Variants in SOX5 observed in about 807,000 individuals in gnomAD.
SOX5 encodes SRY-box transcription factor 5.
In SOX5, 9 loss-of-function variants were observed where a neutral mutation model predicts 92.0. The ratio of observed to expected loss-of-function variants is 0.10; its 90% CI spans 0.06 to 0.17. The LOEUF (loss-of-function observed/expected upper bound fraction) is 0.17, where lower values mean the gene tolerates loss of function less well. Ranked by LOEUF, SOX5 falls within the 10% of genes least tolerant of loss-of-function variation. The probability of loss-of-function intolerance (pLI) is 1.00; values close to 1 mark genes in which losing one functional copy is unlikely to be tolerated. For synonymous variants in SOX5, 344 were observed against 336.3 expected, an observed-to-expected ratio of 1.02 and a Z score of -0.25; for missense variants, 642 against 944.5, an observed-to-expected ratio of 0.68 and a Z score of 4.20.
At chr12:24,278,894 G>A (rs1340466596) in intron 2 of SOX5, among the ~76,000 whole-genome samples, 2 of 125,242 alleles carry the variant, frequency 1.6e-5, no homozygotes, top group African/African-American at 6.0e-5. Context: ...TTTTTTTTTA[G>A]TTAAGTGAAT....
At chr12:24,350,271 C>T (rs1953906571) in intron 2 of SOX5, among the ~76,000 whole-genome samples, 1 of 152,202 alleles carries the variant, frequency 6.6e-6, no homozygotes, top group Non-Finnish European at 1.5e-5. Context: ...TCTGCTCCCT[C>T]TTTCTTACTT....
intron 2 of SOX5, among the ~76,000 whole-genome samples, chr12:23,872,164 A>ATTTTTTTTTTTTTTTTTTTT (rs71059938): frequency 4.5e-4 from 28 of 61,648 alleles, no homozygotes; most frequent in African/African-American, 8.0e-4. Flanking sequence ...CGCCCGGCTA[A>ATTTTTTTTTTTTTTTTTTTT]TTTTTTTTTT....
intron 2 of SOX5, among the ~76,000 whole-genome samples, chr12:24,285,606 T>C (rs554398416): frequency 5.3e-5 from 8 of 152,210 alleles, no homozygotes; most frequent in Non-Finnish European, 1.2e-4. Flanking sequence ...GGTAGCTCAG[T>C]CTGGCATGAA....
At chr12:23,962,592 A>G (rs944025957) in intron 4 of SOX5, among the ~76,000 whole-genome samples, 1 of 152,098 alleles carries the variant, frequency 6.6e-6, no homozygotes, top group Admixed American at 6.5e-5. Flanking sequence ...AACATAACGG[A>G]ACTCTTTATT....
chr12:24,244,242 C>T (rs534191946), intron 3 of SOX5, among the ~76,000 whole-genome samples: 8 of 152,110 alleles, frequency 5.3e-5, no homozygotes, highest in Non-Finnish European at 7.3e-5. Context: ...CATCCACGGG[C>T]GATCGGCTAC....
chr12:23,837,918 G>A (rs1297637935), intron 3 of SOX5, among the ~76,000 whole-genome samples: 7 of 108,786 alleles, frequency 6.4e-5, no homozygotes, highest in African/African-American at 2.3e-4. Flanking sequence ...TATATACTAT[G>A]TTTATATTTA....
chr12:23,754,237 T>C (rs1328364616), intron 4 of SOX5, among the ~76,000 whole-genome samples: 1 of 151,758 alleles, frequency 6.6e-6, no homozygotes, highest in Non-Finnish European at 1.5e-5. Context: ...TTGTCCTCCA[T>C]TGGAATGAGA....
At chr12:23,860,960 A>AAAC (rs546253816) in intron 2 of SOX5, among the ~76,000 whole-genome samples, 24 of 60,234 alleles carry the variant, frequency 4.0e-4, no homozygotes, top group Non-Finnish European at 7.1e-4. Context: ...TGTAAAAAAA[A>AAAC]AAAAAAAAAA....
intron 4 of SOX5, among the ~76,000 whole-genome samples, chr12:23,977,239 A>C (rs1415824569): frequency 6.6e-6 from 1 of 152,222 alleles, no homozygotes; most frequent in Non-Finnish European, 1.5e-5. Context: ...GAGAGGAGGT[A>C]GTAAGGAAAC....
At chr12:24,394,853 TTG>T (rs1959495365) in intron 1 of SOX5, among the ~76,000 whole-genome samples, 1 of 152,236 alleles carries the variant, frequency 6.6e-6, no homozygotes. Flanking sequence ...CCCAATCATG[TTG>T]TGTTATTCTT....
chr12:24,229,258 G>C (rs981238391), intron 3 of SOX5, among the ~76,000 whole-genome samples: 5 of 152,190 alleles, frequency 3.3e-5, no homozygotes, highest in African/African-American at 1.2e-4. Context: ...GCATGCCAGG[G>C]GGCTAATGTG....
chr12:23,636,461 T>C (rs74071385), intron 8 of SOX5, among the ~76,000 whole-genome samples: 2,396 of 152,276 alleles, frequency 0.016, 56 homozygotes, highest in African/African-American at 0.055. Context: ...TTAATAAAAA[T>C]TCTGGATTTA....
intron 1 of SOX5, among the ~76,000 whole-genome samples, chr12:23,919,106 C>T (rs2097453088): frequency 6.6e-6 from 1 of 151,976 alleles, no homozygotes; most frequent in Non-Finnish European, 1.5e-5. Context: ...TGAGCAAATG[C>T]CTGCATTGTG....
intron 2 of SOX5, among the ~76,000 whole-genome samples, chr12:23,847,372 C>A (rs1453095488): frequency 6.6e-6 from 1 of 152,056 alleles, no homozygotes; most frequent in Non-Finnish European, 1.5e-5. Flanking sequence ...TTCTTCTCTA[C>A]CTATTTGAGA....
At chr12:24,144,187 T>C (rs1330742512) in intron 4 of SOX5, among the ~76,000 whole-genome samples, 1 of 151,556 alleles carries the variant, frequency 6.6e-6, no homozygotes, top group Non-Finnish European at 1.5e-5. Flanking sequence ...ATCTTGAAAG[T>C]TCTGAAGAAA....
chr12:24,089,896 G>A (rs982963637), intron 4 of SOX5, among the ~76,000 whole-genome samples: 2 of 152,156 alleles, frequency 1.3e-5, no homozygotes, highest in African/African-American at 4.8e-5. Flanking sequence ...GAGCTACAAA[G>A]TGGTTCTAAT....
intron 1 of SOX5, among the ~76,000 whole-genome samples, chr12:24,445,647 T>C (rs754091656): frequency 6.6e-6 from 1 of 152,220 alleles, no homozygotes; most frequent in Non-Finnish European, 1.5e-5. Context: ...GGCAAGATCA[T>C]GAAATGTGTA....
At chr12:23,694,621 C>T (rs1477822051) in intron 6 of SOX5, among the ~76,000 whole-genome samples, 1 of 152,022 alleles carries the variant, frequency 6.6e-6, no homozygotes, top group Non-Finnish European at 1.5e-5. Context: ...ATGCAGAAAA[C>T]CACCAACAAC....
At chr12:23,684,281 A>G (rs1308428076) in intron 6 of SOX5, among the ~76,000 whole-genome samples, 1 of 152,038 alleles carries the variant, frequency 6.6e-6, no homozygotes, top group African/African-American at 2.4e-5. Flanking sequence ...TAATCACACA[A>G]TTATTGTGCT....
Sources: gnomAD v4.1 joint callset for allele counts (sites outside exome capture counted in the v4.1 genomes callset) on GRCh38, gnomAD v4.1.1 for gene constraint, MANE v1.5 for transcripts, NCBI Gene and HGNC (gene_info 2026-07-23, HGNC 2026-07-21) for gene names.